The following ZMIZ1 variants were observed in gnomAD, a reference collection of about 807,000 sequenced individuals.
ZMIZ1 encodes the protein zinc finger MIZ domain-containing protein 1.
In ZMIZ1, 17 loss-of-function variants were observed where a neutral mutation model predicts 113.9. The observed-to-expected ratio is 0.15, with a 90% confidence interval of 0.10 to 0.22. The LOEUF is 0.22. Ranked by LOEUF, ZMIZ1 falls within the 10% of genes least tolerant of loss-of-function variation. The pLI is 1.00. For synonymous variants in ZMIZ1, 607 were observed against 603.1 expected, an observed-to-expected ratio of 1.01 and a Z score of -0.09; for missense variants, 1,059 against 1,477.8, an observed-to-expected ratio of 0.72 and a Z score of 4.65.
intron 7 of ZMIZ1, among the ~76,000 whole-genome samples, chr10:79,252,864 T>G (rs904402364): frequency 6.6e-6 from 1 of 152,240 alleles, no homozygotes; most frequent in Non-Finnish European, 1.5e-5. Context: ...TGCAGGAATG[T>G]GGCATTTCTT....
At chr10:79,311,386 C>T (rs1481752891) in intron 24 of ZMIZ1, among the ~76,000 whole-genome samples, 2 of 152,188 alleles carry the variant, frequency 1.3e-5, no homozygotes, top group East Asian at 3.9e-4. Context: ...ACCCTGCTGG[C>T]TCCTGTCCCC....
At chr10:79,188,076 C>G (rs1049114862) in intron 4 of ZMIZ1, among the ~76,000 whole-genome samples, 1 of 152,186 alleles carries the variant, frequency 6.6e-6, no homozygotes, top group African/African-American at 2.4e-5. Flanking sequence ...AAAGATAATT[C>G]ACATAAAATA....
chr10:79,242,547 C>T (rs1249722340), intron 7 of ZMIZ1, among the ~76,000 whole-genome samples: 2 of 142,964 alleles, frequency 1.4e-5, no homozygotes, highest in Admixed American at 6.7e-5. Context: ...CCGCCCTCCC[C>T]TCCCCTCCCC....
chr10:79,138,310 T>C (rs893037345), intron 2 of ZMIZ1, among the ~76,000 whole-genome samples: 2 of 152,186 alleles, frequency 1.3e-5, no homozygotes, highest in Non-Finnish European at 2.9e-5. Context: ...CCTCCAGATC[T>C]ACCTAGAAAG....
At chr10:79,136,208 G>A (rs1221708469) in intron 2 of ZMIZ1, among the ~76,000 whole-genome samples, 1 of 152,182 alleles carries the variant, frequency 6.6e-6, no homozygotes, top group Non-Finnish European at 1.5e-5. Flanking sequence ...TTTCTTATCT[G>A]TAAAATGAGA....
chr10:79,168,146 G>T (rs1333315425), intron 4 of ZMIZ1, among the ~76,000 whole-genome samples: 1 of 152,218 alleles, frequency 6.6e-6, no homozygotes, highest in Admixed American at 6.5e-5. Context: ...TTGGCTGTAT[G>T]CTCCATTTAT....
intron 1 of ZMIZ1, among the ~76,000 whole-genome samples, chr10:79,070,216 G>A (rs1295020344): frequency 1.3e-5 from 2 of 152,074 alleles, no homozygotes; most frequent in Non-Finnish European, 2.9e-5. Context: ...AAAACAGTGG[G>A]GAGCGCGGCC....
At chr10:79,288,854 C>T (rs1782645) in intron 8 of ZMIZ1, among the ~76,000 whole-genome samples, 68,503 of 152,046 alleles carry the variant, frequency 0.45, 15,832 homozygotes, top group East Asian at 0.64. Context: ...AGGCTAACTC[C>T]TTGCTTCTGA....
intron 7 of ZMIZ1, among the ~76,000 whole-genome samples, chr10:79,249,547 G>A (rs994829164): frequency 2.0e-5 from 3 of 152,236 alleles, no homozygotes; most frequent in Non-Finnish European, 4.4e-5. Context: ...GTCCCTGCTT[G>A]TAAGGAGCAG....
chr10:79,255,698 C>T (rs1850847492), intron 7 of ZMIZ1, among the ~76,000 whole-genome samples: 1 of 152,166 alleles, frequency 6.6e-6, no homozygotes, highest in African/African-American at 2.4e-5. Flanking sequence ...CTCCCCGCCA[C>T]CCCCCACATT....
intron 7 of ZMIZ1, among the ~76,000 whole-genome samples, chr10:79,252,795 G>A (rs562239421): frequency 2.0e-5 from 3 of 152,190 alleles, no homozygotes; most frequent in Non-Finnish European, 4.4e-5. Flanking sequence ...AGATGCACCT[G>A]TGACCCTTAC....
chr10:79,163,947 T>C (rs1256919416), intron 4 of ZMIZ1, among the ~76,000 whole-genome samples: 1 of 152,164 alleles, frequency 6.6e-6, no homozygotes, highest in Non-Finnish European at 1.5e-5. Flanking sequence ...GGTAATTCAT[T>C]CCTTTTCCAT....
chr10:79,191,025 T>C (rs1470407838), intron 4 of ZMIZ1, among the ~76,000 whole-genome samples: 4 of 152,094 alleles, frequency 2.6e-5, no homozygotes, highest in African/African-American at 9.7e-5. Context: ...TGCAGAAGTG[T>C]ATGTGGAGGA....
intron 1 of ZMIZ1, among the ~76,000 whole-genome samples, chr10:79,088,137 A>G (rs1362514630): frequency 2.0e-5 from 3 of 152,228 alleles, no homozygotes; most frequent in Non-Finnish European, 4.4e-5. Context: ...TGCCAGCCAA[A>G]GCCAGAGAGA....
chr10:79,169,276 ACCTGGGGTGCCAGCCC>A (rs1456161357), intron 4 of ZMIZ1, among the ~76,000 whole-genome samples: 2 of 151,962 alleles, frequency 1.3e-5, no homozygotes, highest in Non-Finnish European at 2.9e-5. Flanking sequence ...CCTTGTCACC[ACCTGGGGTGCCAGCCC>A]CCTGTGCTTC....
chr10:79,277,174 C>T lies in ZMIZ1; in HGVS notation c.281-7C>T. 6.5e-7 allele frequency: 1 copy of T among 1,528,488 alleles called. No individual in the cohort carries two copies. The highest frequency in any genetic ancestry group is 1.2e-5 in the South Asian group (1 of 80,532). 94.7% of individuals were successfully genotyped at this position (1,528,488 alleles called of 1,614,324 possible). Reference sequence around the variant, plus strand: ...AGCACCCACTGACTGTCCTGTCCTTCCTGCAGCCTTGTTGTCCTCCTGGTG... The same window carrying T: ...AGCACCCACTGACTGTCCTGTCCTTTCTGCAGCCTTGTTGTCCTCCTGGTG... On this transcript the variant is annotated splice_region_variant and splice_polypyrimidine_tract_variant and intron_variant, in intron 7 of 24. Transcript: ENST00000334512.
intron 1 of ZMIZ1, among the ~76,000 whole-genome samples, chr10:79,103,873 C>T (rs984613882): frequency 1.3e-5 from 2 of 152,194 alleles, no homozygotes; most frequent in African/African-American, 4.8e-5. Context: ...TGGTCCACGG[C>T]TCTGCCCAAA....
intron 1 of ZMIZ1, among the ~76,000 whole-genome samples, chr10:79,111,801 T>C (rs1843753217): frequency 6.6e-6 from 1 of 152,220 alleles, no homozygotes. Context: ...GTTTTTAAAA[T>C]TACAGCAGGT....
intron 5 of ZMIZ1, among the ~76,000 whole-genome samples, chr10:79,203,196 G>A (rs1331012756): frequency 2.6e-5 from 4 of 152,156 alleles, no homozygotes; most frequent in Non-Finnish European, 4.4e-5. Flanking sequence ...GGACCCAGAC[G>A]GAGCCTCCCC....
Sources: allele counts gnomAD v4.1 joint callset (sites outside exome capture counted in the v4.1 genomes callset), GRCh38; gene constraint gnomAD v4.1.1; transcripts MANE v1.5; gene names NCBI Gene and HGNC (gene_info 2026-07-23, HGNC 2026-07-21).